CPNE4: variants seen among roughly 807,000 people sequenced by gnomAD.
The protein encoded by CPNE4 is copine 4.
A neutral mutation model predicts 67.9 loss-of-function variants in CPNE4; 25 were observed. That is an observed-to-expected ratio of 0.37 (90% confidence interval 0.27 to 0.51). The LOEUF (loss-of-function observed/expected upper bound fraction) is 0.51. CPNE4 is among the 20% of genes least tolerant of loss of function. The pLI, the probability that CPNE4 is intolerant of heterozygous loss-of-function variation, is 0.93. For synonymous variants in CPNE4, 242 were observed against 244.9 expected, an observed-to-expected ratio of 0.99 and a Z score of 0.11; for missense variants, 464 against 690.8, an observed-to-expected ratio of 0.67 and a Z score of 3.68.
chr3:131,867,174 G>C (rs1280434962), intron 2 of CPNE4, among the ~76,000 whole-genome samples: 1 of 152,162 alleles, frequency 6.6e-6, no homozygotes, highest in African/African-American at 2.4e-5. Flanking sequence ...TTTGAAGATA[G>C]AAATAGGTTT....
intron 1 of CPNE4, among the ~76,000 whole-genome samples, chr3:131,919,155 T>C (rs1174750004): frequency 2.0e-5 from 3 of 152,194 alleles, no homozygotes; most frequent in South Asian, 2.1e-4. Flanking sequence ...GACCTTCAGA[T>C]AGTCAACTGA....
At chr3:131,667,510 T>C (rs60121909) in intron 7 of CPNE4, among the ~76,000 whole-genome samples, 113 of 152,048 alleles carry the variant, frequency 7.4e-4, no homozygotes, top group African/African-American at 2.6e-3. Flanking sequence ...GGGTTGCTGT[T>C]AAGGATCCTA....
chr3:131,906,221 GTT>G (rs3041557), intron 1 of CPNE4, among the ~76,000 whole-genome samples: 51,638 of 150,156 alleles, frequency 0.34, 9,184 homozygotes, highest in East Asian at 0.52. Flanking sequence ...TGTTGTTGTT[GTT>G]TTGTTTTGTT....
At chr3:131,591,185 G>C (rs1197153497) in intron 7 of CPNE4, among the ~76,000 whole-genome samples, 1 of 152,126 alleles carries the variant, frequency 6.6e-6, no homozygotes, top group African/African-American at 2.4e-5. Context: ...AAGAAGAGTG[G>C]TTTCTGGGCC....
At chr3:131,598,192 C>T (rs1353183209) in intron 7 of CPNE4, among the ~76,000 whole-genome samples, 1 of 152,140 alleles carries the variant, frequency 6.6e-6, no homozygotes. Context: ...ATTTCAAGCT[C>T]TCAGGATAAT....
chr3:131,817,383 C>T (rs2084785519), intron 2 of CPNE4, among the ~76,000 whole-genome samples: 4 of 152,050 alleles, frequency 2.6e-5, no homozygotes, highest in South Asian at 2.1e-4. Context: ...GGCCCTAAAG[C>T]GGAATATATC....
At chr3:131,697,068 A>G (rs1241484651) in intron 4 of CPNE4, among the ~76,000 whole-genome samples, 2 of 152,142 alleles carry the variant, frequency 1.3e-5, no homozygotes, top group South Asian at 2.1e-4. Flanking sequence ...TCTAATTCCT[A>G]TTTTTCAAAA....
chr3:131,942,709 T>C (rs1252005120), intron 1 of CPNE4, among the ~76,000 whole-genome samples: 1 of 152,080 alleles, frequency 6.6e-6, no homozygotes, highest in Non-Finnish European at 1.5e-5. Context: ...AAAGGACTTA[T>C]TTGAGTAAAC....
At chr3:131,801,448 GTGTGTATATATATATA>G (rs1342688116) in intron 2 of CPNE4, among the ~76,000 whole-genome samples, 1 of 59,848 alleles carries the variant, frequency 1.7e-5, no homozygotes, top group African/African-American at 7.3e-5. Context: ...GTGTGTGTGT[GTGTGTATATATATATA>G]TATATATATA....
chr3:131,665,074 A>C (rs2080224000), intron 7 of CPNE4, among the ~76,000 whole-genome samples: 1 of 152,176 alleles, frequency 6.6e-6, no homozygotes, highest in Non-Finnish European at 1.5e-5. Context: ...TTAAAAAATG[A>C]ATCCCAGCCA....
chr3:131,642,699 TG>T (rs2079569519), intron 7 of CPNE4, among the ~76,000 whole-genome samples: 1 of 152,148 alleles, frequency 6.6e-6, no homozygotes, highest in Admixed American at 6.5e-5. Context: ...TGATATCCGA[TG>T]GTTTTATAAG....
At chr3:131,827,716 G>A (rs114251055) in intron 2 of CPNE4, among the ~76,000 whole-genome samples, 2,113 of 152,080 alleles carry the variant, frequency 0.014, 44 homozygotes, top group Non-Finnish European at 0.021. Context: ...GGAAATGTAG[G>A]AAAGTATGCT....
intron 8 of CPNE4, among the ~76,000 whole-genome samples, chr3:131,585,892 G>T (rs1938150312): frequency 6.6e-6 from 1 of 152,140 alleles, no homozygotes; most frequent in Non-Finnish European, 1.5e-5. Flanking sequence ...TGTTTGACAA[G>T]TTTCTTGTAA....
At chr3:131,679,695 C>A (rs1583010235) in intron 6 of CPNE4, among the ~76,000 whole-genome samples, 1 of 152,114 alleles carries the variant, frequency 6.6e-6, no homozygotes, top group African/African-American at 2.4e-5. Flanking sequence ...ACCCCAAAAT[C>A]ATTCAGGAAC....
chr3:131,573,953 C>T (rs1937463477), intron 10 of CPNE4, among the ~76,000 whole-genome samples: 1 of 152,050 alleles, frequency 6.6e-6, no homozygotes, highest in African/African-American at 2.4e-5. Flanking sequence ...GTATACCTCC[C>T]TGAGATTAGG....
intron 3 of CPNE4, among the ~76,000 whole-genome samples, chr3:131,712,065 A>C (rs1373729884): frequency 6.6e-6 from 1 of 152,166 alleles, no homozygotes; most frequent in Non-Finnish European, 1.5e-5. Context: ...ATTTCCTGTA[A>C]ATTTCCCAAA....
intron 1 of CPNE4, among the ~76,000 whole-genome samples, chr3:131,907,575 T>C (rs1332354414): frequency 6.6e-6 from 1 of 152,066 alleles, no homozygotes; most frequent in Non-Finnish European, 1.5e-5. Flanking sequence ...CATTTATGTA[T>C]TTATGTATTT....
intron 2 of CPNE4, among the ~76,000 whole-genome samples, chr3:131,899,147 A>G (rs964649203): frequency 2.0e-5 from 3 of 152,114 alleles, no homozygotes; most frequent in African/African-American, 7.2e-5. Context: ...GGAAGTTAAC[A>G]GTGTTCAGGG....
intron 11 of CPNE4, among the ~76,000 whole-genome samples, chr3:131,558,865 T>A (rs796219993): frequency 2.0e-5 from 3 of 151,714 alleles, no homozygotes; most frequent in Admixed American, 6.6e-5. Context: ...CTTTTTTTTT[T>A]AAAGGGAAAT....
Sources: allele counts gnomAD v4.1 joint callset (sites outside exome capture counted in the v4.1 genomes callset), GRCh38; gene constraint gnomAD v4.1.1; transcripts MANE v1.5; gene names NCBI Gene and HGNC (gene_info 2026-07-23, HGNC 2026-07-21).